The following MGLL variants were observed in gnomAD, a reference collection of about 807,000 sequenced individuals.
MGLL encodes monoglyceride lipase, also known as lysophospholipase homolog.
In MGLL, 7 loss-of-function variants were observed where a neutral mutation model predicts 29.1. The observed-to-expected ratio is 0.24, with a 90% CI of 0.14 to 0.45. MGLL has a LOEUF of 0.45. Ranked by LOEUF, MGLL falls within the 20% of genes least tolerant of loss-of-function variation. The pLI is 0.99. For missense variants in MGLL, 356 were observed against 413.6 expected (o/e 0.86, Z 1.21); for synonymous variants, 148 against 168.3 (o/e 0.88, Z 0.93).
rs1010313171 is a variant in MGLL, at chr3:127,786,307, C to T, written c.156-4412G>A. 1.8e-4 allele frequency among the ~76,000 whole-genome samples: 28 copies of T among 152,336 alleles called. 1 individual carries two copies. Among genetic ancestry groups the T allele is most frequent in the African/African-American group, 6.7e-4 (28 of 41,578 alleles). ...AAGTGGTTGGTTCCTGCCCTTCTTCCCCTGCCGTTCTGCAACCTCAACAAC... is the reference window on the plus strand; with the variant it reads ...AAGTGGTTGGTTCCTGCCCTTCTTCTCCTGCCGTTCTGCAACCTCAACAAC... On this transcript the variant is annotated intron_variant, in intron 2 of 7. Coordinates refer to ENST00000265052, the MANE Select transcript of MGLL (RefSeq NM_007283.7).
At chr3:127,709,776 G>A (rs1484787126) in intron 6 of MGLL, among the ~76,000 whole-genome samples, 2 of 152,126 alleles carry the variant, frequency 1.3e-5, no homozygotes, top group African/African-American at 4.8e-5. Flanking sequence ...CCCATTAACT[G>A]CAAGCCCACT....
At chr3:127,762,637 C>CA in intron 3 of MGLL, among the ~76,000 whole-genome samples, 1 of 152,272 alleles carries the variant, frequency 6.6e-6, no homozygotes, top group East Asian at 1.9e-4. Context: ...TACCCTTGTA[C>CA]AATGAGAAAG....
chr3:127,714,856 C>T (rs1180611086), intron 5 of MGLL, among the ~76,000 whole-genome samples: 2 of 152,190 alleles, frequency 1.3e-5, no homozygotes, highest in East Asian at 1.9e-4. Context: ...TCTGTAACTC[C>T]CTGTCTTCCC....
chr3:127,715,576 C>T (rs1157261451), intron 5 of MGLL: 2 of 421,722 alleles, frequency 4.7e-6, no homozygotes, highest in Non-Finnish European at 9.6e-6. Context: ...TTTCATGAGC[C>T]TAATCTCTCC....
chr3:127,724,322 T>A (rs562485582), intron 3 of MGLL, among the ~76,000 whole-genome samples: 1 of 152,334 alleles, frequency 6.6e-6, no homozygotes, highest in African/African-American at 2.4e-5. Context: ...TATTTGTCTT[T>A]TTGTGTCTGG....
intron 3 of MGLL, among the ~76,000 whole-genome samples, chr3:127,769,076 G>C (rs1293625145): frequency 3.9e-5 from 6 of 152,226 alleles, no homozygotes; most frequent in Admixed American, 3.9e-4. Context: ...GTCAGGCCAG[G>C]AGCGGTGGCT....
intron 3 of MGLL, among the ~76,000 whole-genome samples, chr3:127,748,408 AAGAGAGAGAGAGAGAGAGAGGGAGAG>A (rs147251606): frequency 1.5e-5 from 2 of 137,732 alleles, no homozygotes; most frequent in African/African-American, 2.9e-5. Flanking sequence ...GAGAGAGAGA[AAGAGAGAGAGAGAGAGAGAGGGAGAG>A]AGAGAGAGAG....
Position 127,741,207 on chromosome 3 carries a change from C to T in MGLL, c.263-18641G>A, listed in dbSNP as rs550335974. Reference sequence around the variant, plus strand: ...ATCACAGGAAACACATCCAGTAGCACCTAGGATGTGACATCCAGAGACACA... The same window carrying T: ...ATCACAGGAAACACATCCAGTAGCATCTAGGATGTGACATCCAGAGACACA... On this transcript the variant is annotated intron_variant, in intron 3 of 7. Coordinates refer to ENST00000265052, the MANE Select transcript of MGLL (RefSeq NM_007283.7). 3.2e-4 allele frequency among the ~76,000 whole-genome samples: 48 copies of T among 152,370 alleles called. 1 individual carries two copies. Among genetic ancestry groups the T allele is most frequent in the South Asian group, 1.4e-3 (7 of 4,834 alleles).
chr3:127,731,047 C>T (rs1316404111), intron 3 of MGLL, among the ~76,000 whole-genome samples: 2 of 152,178 alleles, frequency 1.3e-5, no homozygotes, highest in Non-Finnish European at 2.9e-5. Context: ...ATAATGGCCA[C>T]TTACCAAAGA....
In MGLL at chr3:127,747,650, A is replaced by G. The variant is rs575351209; in HGVS notation, c.263-25084T>C. Among the ~76,000 whole-genome samples the G allele has an allele frequency of 3.3e-5, 5 of 152,326 alleles. No individual in the cohort carries two copies. The East Asian group carries it at 9.6e-4, about 29-fold the overall frequency. On this transcript the variant is annotated intron_variant, in intron 3 of 7. Transcript: ENST00000265052. ...AGCACAGGGTCTCTGGTCCAGCCCA[A>G]CGCAAATGGGCACAGGTATGATCAT... is the stretch of plus-strand genomic sequence containing the variant.
In MGLL at chr3:127,794,544, G is replaced by A. The variant is rs185423357; in HGVS notation, c.156-12649C>T. Reference sequence around the variant, plus strand: ...ATGATGTAAGACTGTCTTCTGTGATGTAAGGCTGTCTTCTGTGATGTAAGG... The same window carrying A: ...ATGATGTAAGACTGTCTTCTGTGATATAAGGCTGTCTTCTGTGATGTAAGG... On this transcript the variant is annotated intron_variant, in intron 2 of 7. Coordinates refer to ENST00000265052, the MANE Select transcript of MGLL (RefSeq NM_007283.7). 4.2e-5 allele frequency among the ~76,000 whole-genome samples: 6 copies of A among 141,468 alleles called. No homozygotes were observed. The East Asian group carries it at 1.9e-3, about 44-fold the overall frequency. The allele number at this position is 141,468 out of a possible 152,430, so 92.8% of individuals were successfully genotyped here.
intron 2 of MGLL, among the ~76,000 whole-genome samples, chr3:127,801,309 A>C (rs2077475419): frequency 6.8e-6 from 1 of 147,510 alleles, no homozygotes; most frequent in Non-Finnish European, 1.5e-5. Flanking sequence ...TCTCAAAAAA[A>C]AAAAAAAAAA....
intron 5 of MGLL, among the ~76,000 whole-genome samples, chr3:127,718,207 G>T (rs983979925): frequency 1.3e-5 from 2 of 152,130 alleles, no homozygotes; most frequent in African/African-American, 4.8e-5. Flanking sequence ...CACAGACTGG[G>T]CATCTCACGC....
chr3:127,720,972 T>C (rs1310194333), intron 5 of MGLL, 81 bp downstream of exon 5: 2 of 1,279,754 alleles, frequency 1.6e-6, no homozygotes, highest in African/African-American at 2.9e-5. Context: ...TTTGGTCTTT[T>C]TACATAGACT....
At chr3:127,709,882 A>C (rs2075676494) in intron 6 of MGLL, among the ~76,000 whole-genome samples, 1 of 152,110 alleles carries the variant, frequency 6.6e-6, no homozygotes, top group Admixed American at 6.5e-5. Flanking sequence ...ATCCCACGTT[A>C]TGGGGCTCAG....
At chr3:127,813,515 G>A (rs930715568) in intron 2 of MGLL, among the ~76,000 whole-genome samples, 2 of 152,236 alleles carry the variant, frequency 1.3e-5, no homozygotes, top group African/African-American at 4.8e-5. Flanking sequence ...CCGGACATTT[G>A]CTGGGGAGGG....
intron 3 of MGLL, among the ~76,000 whole-genome samples, chr3:127,734,430 C>T (rs2076208156): frequency 6.6e-6 from 1 of 152,150 alleles, no homozygotes; most frequent in Admixed American, 6.5e-5. Context: ...GCGCCCGTGC[C>T]TTCATTTACC....
At position 127,775,363 on chromosome 3, in the gene MGLL, A is replaced by G. The variant is rs150323301; in HGVS notation, c.262+6426T>C. 6.3e-3 allele frequency among the ~76,000 whole-genome samples: 953 copies of G among 152,374 alleles called. 14 individuals are homozygous for G. The highest frequency in any genetic ancestry group is 0.021 in the African/African-American group (877 of 41,582). On this transcript the variant is annotated intron_variant, in intron 3 of 7. Coordinates refer to ENST00000265052, the MANE Select transcript of MGLL (RefSeq NM_007283.7). Reference sequence around the variant, plus strand: ...CAAAAATATATTACTTACAAGAAATAAAATAAACCTATGGCAGTTTATTTT... The same window carrying G: ...CAAAAATATATTACTTACAAGAAATGAAATAAACCTATGGCAGTTTATTTT...
At chr3:127,741,517 C>A (rs573829447) in intron 3 of MGLL, among the ~76,000 whole-genome samples, 3 of 152,328 alleles carry the variant, frequency 2.0e-5, no homozygotes, top group South Asian at 4.1e-4. Flanking sequence ...TGCTAGGACA[C>A]CACGATGCGT....
Sources: allele counts gnomAD v4.1 joint callset (sites outside exome capture counted in the v4.1 genomes callset), GRCh38; gene constraint gnomAD v4.1.1; transcripts MANE v1.5; gene names NCBI Gene and HGNC (gene_info 2026-07-23, HGNC 2026-07-21).